Variants in XPO4 observed in about 807,000 individuals in gnomAD.
XPO4 encodes the protein exportin 4, also known as exportin-4.
A neutral mutation model predicts 143.0 loss-of-function variants in XPO4; 39 were observed. The observed-to-expected ratio is 0.27, with a 90% confidence interval of 0.21 to 0.36. The LOEUF (loss-of-function observed/expected upper bound fraction) is 0.36. Ranked by LOEUF, XPO4 falls within the 10% of genes least tolerant of loss-of-function variation. The probability of loss-of-function intolerance (pLI) is 1.00; values close to 1 mark genes in which losing one functional copy is unlikely to be tolerated. For synonymous variants in XPO4, 439 were observed against 474.0 expected (o/e 0.93, Z 0.96); for missense variants, 907 against 1,348.0 (o/e 0.67, Z 5.12).
rs148753230 is a variant in XPO4, at chr13:20,814,791, C to T, written c.1174-4824G>A. 3.5e-4 allele frequency among the ~76,000 whole-genome samples: 54 copies of T among 152,348 alleles called. No individual in the cohort carries two copies. In the East Asian group the frequency reaches 9.3e-3, roughly 26 times the overall value. Reference sequence around the variant, plus strand: ...ACTACTTGACCCCACTTTACTCCATCTGGAAATGCAGGGTGGAGAAGGTAA... The same window carrying T: ...ACTACTTGACCCCACTTTACTCCATTTGGAAATGCAGGGTGGAGAAGGTAA... On this transcript the variant is annotated intron_variant, in intron 9 of 22. Transcript: ENST00000255305.
rs1220243927 is a variant in XPO4, at chr13:20,783,710, A to C, written c.*12T>G. 1 of 1,613,580 alleles carries C rather than the reference A, an allele frequency of 6.2e-7. No homozygotes were observed. The highest frequency in any genetic ancestry group is 2.2e-5 in the East Asian group (1 of 44,878). ...GCAGAAAGGATCTAAATTAAGCATA[A>C]AGTTCTGTTGTTTATTTTACACAAA... is the stretch of plus-strand genomic sequence containing the variant. On this transcript the variant is annotated 3_prime_UTR_variant, in exon 23 of 23. Coordinates refer to ENST00000255305, the MANE Select transcript of XPO4 (RefSeq NM_022459.5).
Position 20,876,816 on chromosome 13 carries a change from C to T in XPO4, c.70-8115G>A, listed in dbSNP as rs535464132. 9.5e-4 allele frequency among the ~76,000 whole-genome samples: 145 copies of T among 152,148 alleles called. 3 individuals carry two copies. In the South Asian group the frequency reaches 0.026, roughly 27 times the overall value. On this transcript the variant is annotated intron_variant, in intron 1 of 22. Transcript: ENST00000255305. Reference sequence around the variant, plus strand: ...AGTGTTCCAGCTCTTAAAGGTGGTGCGAACCCAAAGAGTGAGCAGCAGCAA... The same window carrying T: ...AGTGTTCCAGCTCTTAAAGGTGGTGTGAACCCAAAGAGTGAGCAGCAGCAA...
rs138325872 is a variant in XPO4 at position 20,858,325 on chromosome 13, C to T, written c.318-2560G>A. Among the ~76,000 whole-genome samples, 157 of 152,146 alleles carry T rather than the reference C, an allele frequency of 1.0e-3. 2 individuals are homozygous for T. The highest frequency in any genetic ancestry group is 3.6e-3 in the African/African-American group (151 of 41,502). On this transcript the variant is annotated intron_variant, in intron 3 of 22. Coordinates refer to ENST00000255305, the MANE Select transcript of XPO4 (RefSeq NM_022459.5). Reference sequence around the variant, plus strand: ...AGAATTGTTAGATCATATAAATATGCCAATTATATCAAGAGTATTGAGATT... The same window carrying T: ...AGAATTGTTAGATCATATAAATATGTCAATTATATCAAGAGTATTGAGATT...
intron 1 of XPO4, among the ~76,000 whole-genome samples, chr13:20,897,910 G>A (rs998235476): frequency 6.6e-6 from 1 of 152,014 alleles, no homozygotes; most frequent in African/African-American, 2.4e-5. Flanking sequence ...GCACCACCTC[G>A]CCCAGATAAT....
chr13:20,863,175 C>T lies in XPO4; in HGVS notation c.176-317G>A. The T allele has an allele frequency of 8.2e-6, 8 of 973,796 alleles. No homozygotes were observed. In the South Asian group the frequency reaches 3.4e-4, roughly 42 times the overall value. The allele number at this position is 973,796 out of a possible 1,614,324, so 60.3% of individuals were successfully genotyped here. A position where few individuals can be genotyped will look rare whatever the true frequency, so the allele number is the denominator to read the frequency against. ...AATAAAAATAAAAATATAAAGCAAT[C>T]AGAAAATTTCCTAAGATTCTCACCC... On this transcript the variant is annotated intron_variant, in intron 2 of 22. Transcript: ENST00000255305.
At chr13:20,799,362 A>C in intron 15 of XPO4, 23 bp from the exon 16 acceptor site, 3 of 1,605,232 alleles carry the variant, frequency 1.9e-6, no homozygotes, top group Non-Finnish European at 2.6e-6. Context: ...ATAACAAAAC[A>C]TAAGATGTAT....
intron 6 of XPO4, among the ~76,000 whole-genome samples, chr13:20,831,880 G>T (rs1321273665): frequency 7.0e-6 from 1 of 143,674 alleles, no homozygotes; most frequent in Non-Finnish European, 1.5e-5. Flanking sequence ...GTTCCGGCAA[G>T]GGATCCAATT....
chr13:20,852,536 A>C, intron 4 of XPO4: 1 of 985,292 alleles, frequency 1.0e-6, no homozygotes, highest in Middle Eastern at 5.2e-4. Context: ...TCGTGTAGAC[A>C]CTGCTGAAGC....
Position 20,780,301 on chromosome 13 carries a change from A to C in XPO4, c.*3421T>G, listed in dbSNP as rs1365536632. The C allele has an allele frequency of 6.6e-6, 1 of 152,236 alleles. No individual in the cohort carries two copies. The highest frequency in any genetic ancestry group is 1.9e-4 in the East Asian group (1 of 5,208). The allele number at this position is 152,236 out of a possible 1,614,324, so 9.4% of individuals were successfully genotyped here. A position where few individuals can be genotyped will look rare whatever the true frequency, so the allele number is the denominator to read the frequency against. On this transcript the variant is annotated 3_prime_UTR_variant, in exon 23 of 23. Transcript: ENST00000255305. ...AACAGATAAAAATTGTTTAACAGAG[A>C]AAAATATTATTTCAGGGTTCAGAAT...
chr13:20,842,819 G>A, intron 6 of XPO4, 76 bp downstream of exon 6: 5 of 1,332,998 alleles, frequency 3.8e-6, no homozygotes, highest in Non-Finnish European at 5.1e-6. Flanking sequence ...AGCTGCAGAG[G>A]TGAAAGACTC....
At chr13:20,811,252 C>T (rs149948716) in intron 9 of XPO4, among the ~76,000 whole-genome samples, 22 of 151,934 alleles carry the variant, frequency 1.4e-4, no homozygotes, top group Middle Eastern at 3.4e-3. Context: ...CAGCAAGAAG[C>T]CACTGCAATG....
chr13:20,876,532 T>A (rs1004429865), intron 1 of XPO4, among the ~76,000 whole-genome samples: 1 of 152,114 alleles, frequency 6.6e-6, no homozygotes, highest in Non-Finnish European at 1.5e-5. Flanking sequence ...TACATAATAA[T>A]AAATTCCAGG....
intron 4 of XPO4, chr13:20,852,111 T>C: frequency 2.4e-5 from 24 of 985,398 alleles, no homozygotes; most frequent in Non-Finnish European, 2.9e-5. Flanking sequence ...GCCGCATAAA[T>C]TCTACCCCAA....
chr13:20,822,872 A>G (rs1057439970), intron 7 of XPO4, among the ~76,000 whole-genome samples: 2 of 152,216 alleles, frequency 1.3e-5, no homozygotes, highest in African/African-American at 4.8e-5. Context: ...ATAAATGCTA[A>G]AAGATTTTGA....
At chr13:20,827,399 T>C (rs1257481889) in intron 6 of XPO4, among the ~76,000 whole-genome samples, 1 of 152,192 alleles carries the variant, frequency 6.6e-6, no homozygotes, top group Admixed American at 6.5e-5. Flanking sequence ...AATGCTTTCA[T>C]TGTAATTATG....
intron 4 of XPO4, chr13:20,848,191 C>A (rs1350970422): frequency 2.1e-6 from 2 of 958,428 alleles, no homozygotes; most frequent in Non-Finnish European, 2.5e-6. Context: ...TTTTCATTTG[C>A]TCACAGGTTA....
At chr13:20,785,485 C>G (rs1368878404) in intron 22 of XPO4, among the ~76,000 whole-genome samples, 1 of 151,872 alleles carries the variant, frequency 6.6e-6, no homozygotes, top group African/African-American at 2.4e-5. Flanking sequence ...CAAGCCTGGG[C>G]AACATGGTGA....
At chr13:20,891,114 T>A (rs1459857794) in intron 1 of XPO4, among the ~76,000 whole-genome samples, 1 of 91,376 alleles carries the variant, frequency 1.1e-5, no homozygotes, top group African/African-American at 4.6e-5. Context: ...CAAAACTCCA[T>A]CTCAATTTAA....
intron 12 of XPO4, 69 bp from the exon 13 acceptor site, chr13:20,807,703 TTTTCAG>T: frequency 8.0e-7 from 1 of 1,244,698 alleles, no homozygotes; most frequent in African/African-American, 1.5e-5. Context: ...ACTATAAATG[TTTTCAG>T]TTTGATTTAT....
Sources: gnomAD v4.1 joint callset for allele counts (sites outside exome capture counted in the v4.1 genomes callset) on GRCh38, gnomAD v4.1.1 for gene constraint, MANE v1.5 for transcripts, NCBI Gene and HGNC (gene_info 2026-07-23, HGNC 2026-07-21) for gene names.